XNDC1N: variants seen among roughly 807,000 people sequenced by gnomAD.
The protein encoded by XNDC1N is XRCC1 N-terminal domain containing 1, N-terminal like, also known as protein XNDC1N.
chr11:71,911,674 T>C, the XNDC1N span, among the ~76,000 whole-genome samples: 1 of 152,038 alleles, frequency 6.6e-6, no homozygotes, highest in Non-Finnish European at 1.5e-5. Flanking sequence ...TGGAGCGTGA[T>C]AGAAAGAAAA....
chr11:71,909,691 G>A, the XNDC1N span, among the ~76,000 whole-genome samples: 5 of 152,288 alleles, frequency 3.3e-5, no homozygotes, highest in South Asian at 2.1e-4. Context: ...TGACGTCATC[G>A]GAGCCACGGG....
At chr11:71,887,917 G>C in the XNDC1N span, among the ~76,000 whole-genome samples, 2 of 151,308 alleles carry the variant, frequency 1.3e-5, no homozygotes, top group African/African-American at 4.9e-5. Context: ...GGCAGAAGCT[G>C]TTTGCCTTTC....
chr11:71,917,686 G>A, the XNDC1N span: 4 of 703,308 alleles, frequency 5.7e-6, no homozygotes, highest in East Asian at 2.7e-5. Flanking sequence ...AGACATTAGC[G>A]TGGTTGCAGG....
the XNDC1N span, among the ~76,000 whole-genome samples, chr11:71,893,170 G>A: frequency 6.6e-6 from 1 of 152,186 alleles, no homozygotes; most frequent in African/African-American, 2.4e-5. Flanking sequence ...TCTGAAAAGA[G>A]TAGGCCGTAT....
At chr11:71,914,794 T>C in the XNDC1N span, among the ~76,000 whole-genome samples, 656 of 150,942 alleles carry the variant, frequency 4.3e-3, 2 homozygotes, top group African/African-American at 0.015. Flanking sequence ...AGATGAGGAG[T>C]TGCTTCTTAT....
the XNDC1N span, among the ~76,000 whole-genome samples, chr11:71,905,080 G>A: frequency 2.8e-4 from 42 of 152,064 alleles, no homozygotes; most frequent in Non-Finnish European, 4.7e-4. Context: ...TCCACTGACC[G>A]TGATATTAGG....
At chr11:71,882,792 G>T in the XNDC1N span, among the ~76,000 whole-genome samples, 1 of 152,142 alleles carries the variant, frequency 6.6e-6, no homozygotes, top group Non-Finnish European at 1.5e-5. Flanking sequence ...AACTGTTGGG[G>T]GGTGGGAATG....
At chr11:71,894,010 C>T in the XNDC1N span, 3 of 882,082 alleles carry the variant, frequency 3.4e-6, no homozygotes, top group African/African-American at 3.5e-5. Flanking sequence ...TGTCTGTGAC[C>T]CCTCTCAACT....
the XNDC1N span, among the ~76,000 whole-genome samples, chr11:71,915,528 A>C: frequency 6.6e-6 from 1 of 152,228 alleles, no homozygotes; most frequent in African/African-American, 2.4e-5. Flanking sequence ...GAAAAACCAA[A>C]AAATGTGTGT....
chr11:71,900,074 G>A, the XNDC1N span, among the ~76,000 whole-genome samples: 3 of 152,262 alleles, frequency 2.0e-5, no homozygotes, highest in Non-Finnish European at 4.4e-5. Flanking sequence ...TCCAATCATA[G>A]TACCTTCCCT....
the XNDC1N span, among the ~76,000 whole-genome samples, chr11:71,889,619 T>C: frequency 9.4e-3 from 1,435 of 152,288 alleles, 13 homozygotes; most frequent in African/African-American, 0.033. Flanking sequence ...CAGGAGTCAC[T>C]GGAAAAGTTG....
chr11:71,922,369 C>T, the XNDC1N span, among the ~76,000 whole-genome samples: 20 of 152,306 alleles, frequency 1.3e-4, no homozygotes, highest in African/African-American at 4.6e-4. Flanking sequence ...GTGGCACAAT[C>T]ATGGCTCACT....
At chr11:71,911,356 C>T in the XNDC1N span, among the ~76,000 whole-genome samples, 1 of 152,188 alleles carries the variant, frequency 6.6e-6, no homozygotes, top group South Asian at 2.1e-4. Context: ...CCCTGTCGAG[C>T]CTGATTGTGT....
the XNDC1N span, among the ~76,000 whole-genome samples, chr11:71,886,264 C>G: frequency 6.6e-6 from 1 of 152,164 alleles, no homozygotes; most frequent in African/African-American, 2.4e-5. Flanking sequence ...GACCCACAAC[C>G]CCACCTGGGC....
the XNDC1N span, among the ~76,000 whole-genome samples, chr11:71,870,393 G>A: frequency 6.6e-6 from 1 of 152,160 alleles, no homozygotes; most frequent in East Asian, 1.9e-4. Flanking sequence ...CTGGGAAGCT[G>A]GTACCAGGCT....
At chr11:71,888,236 G>A in the XNDC1N span, among the ~76,000 whole-genome samples, 3 of 152,154 alleles carry the variant, frequency 2.0e-5, no homozygotes, top group African/African-American at 4.8e-5. Context: ...TTGACTATCC[G>A]ACAGGGGTGG....
the XNDC1N span, among the ~76,000 whole-genome samples, chr11:71,885,865 TC>T: frequency 6.6e-6 from 1 of 151,940 alleles, no homozygotes; most frequent in East Asian, 1.9e-4. Flanking sequence ...GCATCATTAA[TC>T]ATTAATATTA....
the XNDC1N span, chr11:71,928,151 G>A: frequency 2.6e-6 from 1 of 384,084 alleles, no homozygotes; most frequent in Non-Finnish European, 4.8e-6. Context: ...AGTGTGCCGA[G>A]GTGTGTGAAC....
chr11:71,908,889 G>T, the XNDC1N span, among the ~76,000 whole-genome samples: 3 of 152,130 alleles, frequency 2.0e-5, no homozygotes, highest in African/African-American at 7.2e-5. Flanking sequence ...CCCTCAGTTG[G>T]ACCCACATGA....
Sources: allele counts gnomAD v4.1 joint callset (sites outside exome capture counted in the v4.1 genomes callset), GRCh38; gene constraint gnomAD v4.1.1; transcripts MANE v1.5; gene names NCBI Gene and HGNC (gene_info 2026-07-23, HGNC 2026-07-21).